The following KCNJ3 variants were observed in gnomAD, a reference collection of about 807,000 sequenced individuals.
KCNJ3 encodes the protein potassium inwardly rectifying channel subfamily J member 3, also known as G protein-activated inward rectifier potassium channel 1.
In KCNJ3, 4 loss-of-function variants were observed where a neutral mutation model predicts 39.2. The ratio of observed to expected loss-of-function variants is 0.10; its 90% CI spans 0.05 to 0.23. KCNJ3 has a LOEUF of 0.23. Among genes scored for constraint, KCNJ3 ranks in the 10% least tolerant of loss-of-function variants. The pLI is 1.00. For synonymous variants in KCNJ3, 230 were observed against 237.4 expected (o/e 0.97, Z 0.29); for missense variants, 276 against 634.9 (o/e 0.43, Z 6.08).
At position 154,855,118 on chromosome 2, in the gene KCNJ3, T is replaced by C; in HGVS notation, c.1311T>C (p.Leu437=). Residue 437 remains leucine (L), a synonymous_variant, in exon 3 of 3, where the codon CTT becomes CTC. Transcript: ENST00000295101. ...AYSLGDLPMK[L]QRISSVPGNS... ...GCTTGGGAGACTTGCCCATGAAACTTCAACGAATAAGTTCAGTTCCGGGCA... is the reference window on the plus strand; with the variant it reads ...GCTTGGGAGACTTGCCCATGAAACTCCAACGAATAAGTTCAGTTCCGGGCA... 1 of 1,613,982 alleles carries C rather than the reference T, an allele frequency of 6.2e-7. No homozygotes were observed. Among genetic ancestry groups the C allele is most frequent in the Non-Finnish European group, 8.5e-7 (1 of 1,179,948 alleles).
intron 2 of KCNJ3, among the ~76,000 whole-genome samples, chr2:154,711,138 A>C (rs1489060553): frequency 6.6e-6 from 1 of 152,102 alleles, no homozygotes; most frequent in Non-Finnish European, 1.5e-5. Context: ...CTATTTTATG[A>C]TTTAAAGCTC....
chr2:154,813,291 T>G (rs760280925), intron 2 of KCNJ3, among the ~76,000 whole-genome samples: 9 of 152,122 alleles, frequency 5.9e-5, no homozygotes, highest in Non-Finnish European at 8.8e-5. Context: ...GAAGCTTCTG[T>G]TTGAAGCGTT....
chr2:154,766,681 T>TA (rs1247156770), intron 2 of KCNJ3, among the ~76,000 whole-genome samples: 14 of 152,190 alleles, frequency 9.2e-5, no homozygotes, highest in Middle Eastern at 3.4e-3. Context: ...TCAGCCTCCT[T>TA]AGTAGCTGGG....
At chr2:154,842,899 G>A (rs1349025617) in intron 2 of KCNJ3, among the ~76,000 whole-genome samples, 4 of 151,842 alleles carry the variant, frequency 2.6e-5, no homozygotes, top group Admixed American at 6.6e-5. Flanking sequence ...CCAACTTGCC[G>A]GTCTGTATCT....
intron 2 of KCNJ3, among the ~76,000 whole-genome samples, chr2:154,776,766 T>A (rs10432439): frequency 0.61 from 92,664 of 151,916 alleles, 28,758 homozygotes; most frequent in African/African-American, 0.72. Context: ...GATGATTATG[T>A]CAGTACTAGA....
At chr2:154,711,420 C>T (rs1382093291) in intron 2 of KCNJ3, among the ~76,000 whole-genome samples, 1 of 152,072 alleles carries the variant, frequency 6.6e-6, no homozygotes, top group Non-Finnish European at 1.5e-5. Context: ...TCATCACTGA[C>T]ATTAATGCAT....
chr2:154,756,944 T>C (rs1298453030), intron 2 of KCNJ3, among the ~76,000 whole-genome samples: 1 of 152,098 alleles, frequency 6.6e-6, no homozygotes, highest in Non-Finnish European at 1.5e-5. Flanking sequence ...TCTTGGAAAC[T>C]ATATAATCTT....
intron 2 of KCNJ3, among the ~76,000 whole-genome samples, chr2:154,725,114 A>G (rs1685331070): frequency 6.6e-6 from 1 of 151,302 alleles, no homozygotes; most frequent in Non-Finnish European, 1.5e-5. Context: ...CCTTATTGGT[A>G]TAATATCAAC....
intron 2 of KCNJ3, among the ~76,000 whole-genome samples, chr2:154,738,805 A>G (rs1254936204): frequency 6.6e-6 from 1 of 152,076 alleles, no homozygotes; most frequent in Non-Finnish European, 1.5e-5. Flanking sequence ...AGAAGGTGCA[A>G]TTAAGCAATT....
intron 2 of KCNJ3, among the ~76,000 whole-genome samples, chr2:154,833,558 T>C (rs1481910562): frequency 2.0e-5 from 3 of 152,158 alleles, no homozygotes; most frequent in African/African-American, 7.2e-5. Context: ...TTCAGCCAAG[T>C]TCATAGTTTA....
At chr2:154,850,048 A>G (rs1687732683) in intron 2 of KCNJ3, among the ~76,000 whole-genome samples, 1 of 16,238 alleles carries the variant, frequency 6.2e-5, no homozygotes, top group African/African-American at 1.9e-4. Flanking sequence ...TTTTTTTACA[A>G]AATGTTTTTT....
At chr2:154,791,030 GA>G (rs1686619628) in intron 2 of KCNJ3, among the ~76,000 whole-genome samples, 2 of 152,210 alleles carry the variant, frequency 1.3e-5, no homozygotes, top group Middle Eastern at 3.4e-3. Context: ...GCTGTTCAGT[GA>G]GTAGAGGGTG....
At chr2:154,824,074 C>T (rs1159623592) in intron 2 of KCNJ3, among the ~76,000 whole-genome samples, 2 of 152,092 alleles carry the variant, frequency 1.3e-5, no homozygotes, top group East Asian at 3.9e-4. Flanking sequence ...GTGGCTCACA[C>T]CTGTAATCCT....
chr2:154,728,495 C>T (rs1367495924), intron 2 of KCNJ3, among the ~76,000 whole-genome samples: 1 of 152,170 alleles, frequency 6.6e-6, no homozygotes, highest in African/African-American at 2.4e-5. Flanking sequence ...TATTAATATA[C>T]TACAGGCTTG....
intron 2 of KCNJ3, among the ~76,000 whole-genome samples, chr2:154,752,256 A>C (rs1018310873): frequency 6.7e-6 from 1 of 149,360 alleles, no homozygotes; most frequent in African/African-American, 2.5e-5. Context: ...AAAGTAATAC[A>C]ACAAAAAAAA....
intron 2 of KCNJ3, among the ~76,000 whole-genome samples, chr2:154,843,034 G>A (rs1484208243): frequency 6.6e-6 from 1 of 152,100 alleles, no homozygotes; most frequent in Non-Finnish European, 1.5e-5. Context: ...TCATAGCATC[G>A]ATAGTCTTTA....
intron 2 of KCNJ3, among the ~76,000 whole-genome samples, chr2:154,727,611 G>T (rs72874091): frequency 0.21 from 25,532 of 120,000 alleles, 3,064 homozygotes; most frequent in Non-Finnish European, 0.28. Flanking sequence ...AAAAAAAAAA[G>T]AGAGAAAAAG....
intron 2 of KCNJ3, among the ~76,000 whole-genome samples, chr2:154,749,487 A>C (rs1685801548): frequency 1.3e-5 from 2 of 152,152 alleles, no homozygotes; most frequent in East Asian, 3.9e-4. Context: ...TTTTTCTTGC[A>C]TGTGATTGTG....
At chr2:154,817,634 G>A (rs973995527) in intron 2 of KCNJ3, among the ~76,000 whole-genome samples, 1 of 152,090 alleles carries the variant, frequency 6.6e-6, no homozygotes, top group Non-Finnish European at 1.5e-5. Flanking sequence ...TTAAGGGACT[G>A]TTCTTTAATG....
Sources: gnomAD v4.1 joint callset for allele counts (sites outside exome capture counted in the v4.1 genomes callset) on GRCh38, gnomAD v4.1.1 for gene constraint, MANE v1.5 for transcripts, NCBI Gene and HGNC (gene_info 2026-07-23, HGNC 2026-07-21) for gene names.